Variants in MAPKAP1 observed in about 807,000 individuals in gnomAD.
The protein encoded by MAPKAP1 is target of rapamycin complex 2 subunit MAPKAP1.
A neutral mutation model predicts 65.7 loss-of-function variants in MAPKAP1; 20 were observed. That is an observed-to-expected ratio of 0.30 (90% CI 0.21 to 0.44). MAPKAP1 has a LOEUF of 0.44. MAPKAP1 is among the 20% of genes least tolerant of loss of function. The pLI is 1.00. For missense variants in MAPKAP1, 423 were observed against 648.0 expected, an observed-to-expected ratio of 0.65 and a Z score of 3.77; for synonymous variants, 222 against 244.3, an observed-to-expected ratio of 0.91 and a Z score of 0.85.
chr9:125,611,752 G>GA lies in MAPKAP1; in HGVS notation c.499-26026dup, dbSNP rs560712469. Among the ~76,000 whole-genome samples the GA allele has an allele frequency of 4.6e-5, 7 of 152,118 alleles. No homozygotes were observed. The South Asian group carries it at 8.3e-4, about 18-fold the overall frequency. On this transcript the variant is annotated intron_variant, in intron 4 of 11. Coordinates refer to ENST00000265960, the MANE Select transcript of MAPKAP1 (RefSeq NM_001006617.3). ...AATGACAAATGGTTCAATTCACCAG[G>GA]AAAAAATAGCAATTCTGAAATTGTG...
At chr9:125,608,389 G>A (rs1270123439) in intron 4 of MAPKAP1, among the ~76,000 whole-genome samples, 1 of 152,202 alleles carries the variant, frequency 6.6e-6, no homozygotes, top group East Asian at 1.9e-4. Flanking sequence ...GGCACTGACA[G>A]TGGATGCTCT....
chr9:125,476,609 TGA>T, intron 9 of MAPKAP1, among the ~76,000 whole-genome samples: 1 of 152,302 alleles, frequency 6.6e-6, no homozygotes, highest in African/African-American at 2.4e-5. Context: ...ATGTTTAGCC[TGA>T]GAGTGTGCCT....
At chr9:125,603,115 C>T (rs1832350460) in intron 4 of MAPKAP1, among the ~76,000 whole-genome samples, 1 of 151,712 alleles carries the variant, frequency 6.6e-6, no homozygotes, top group Non-Finnish European at 1.5e-5. Context: ...AATTATGTTG[C>T]CCAGGCTAGT....
At chr9:125,594,457 G>C (rs918178915) in intron 4 of MAPKAP1, among the ~76,000 whole-genome samples, 28 of 152,134 alleles carry the variant, frequency 1.8e-4, no homozygotes, top group African/African-American at 6.3e-4. Context: ...TAGACTTTGG[G>C]AAAGTAACCT....
intron 4 of MAPKAP1, among the ~76,000 whole-genome samples, chr9:125,652,998 C>T (rs149913704): frequency 5.8e-4 from 89 of 152,358 alleles, no homozygotes; most frequent in Admixed American, 7.8e-4. Flanking sequence ...ACTGCCCCAT[C>T]GTCAGTGCCC....
intron 7 of MAPKAP1, among the ~76,000 whole-genome samples, chr9:125,537,881 C>A (rs1429562734): frequency 6.6e-6 from 1 of 152,132 alleles, no homozygotes; most frequent in Non-Finnish European, 1.5e-5. Flanking sequence ...TGGAGACTGA[C>A]CCTGCTGCAG....
intron 5 of MAPKAP1, chr9:125,567,532 A>T (rs1831096671): frequency 6.6e-6 from 1 of 152,242 alleles, no homozygotes; most frequent in Admixed American, 6.5e-5. Flanking sequence ...GTTGTTTAGC[A>T]TATCATCAAG....
intron 7 of MAPKAP1, among the ~76,000 whole-genome samples, chr9:125,541,447 G>A (rs577865465): frequency 6.6e-6 from 1 of 152,202 alleles, no homozygotes; most frequent in Non-Finnish European, 1.5e-5. Context: ...AGAATATAAT[G>A]CATTATATCA....
chr9:125,603,111 G>T (rs1000642327), intron 4 of MAPKAP1, among the ~76,000 whole-genome samples: 1 of 151,092 alleles, frequency 6.6e-6, no homozygotes, highest in African/African-American at 2.4e-5. Context: ...TCTCAATTAT[G>T]TTGCCCAGGC....
intron 6 of MAPKAP1, among the ~76,000 whole-genome samples, chr9:125,548,176 C>A (rs1000362682): frequency 6.6e-6 from 1 of 152,226 alleles, no homozygotes; most frequent in East Asian, 1.9e-4. Context: ...GATCACTCAT[C>A]TATTAAAAAT....
rs773828678 is a variant in MAPKAP1 at position 125,595,287 on chromosome 9, CAAAGGTTACCCAATTAAT to C, written c.499-9578_499-9561del. Among the ~76,000 whole-genome samples, 4 of 152,080 alleles carry C rather than the reference CAAAGGTTACCCAATTAAT, an allele frequency of 2.6e-5. No individual in the cohort carries two copies. Among genetic ancestry groups the C allele is most frequent in the Non-Finnish European group, 5.9e-5 (4 of 68,016 alleles). ...ATTATGAAATATCAATACTATGAAC[CAAAGGTTACCCAATTAAT>C]AATTAGCTCATAAAATGGGTAAACT... is the stretch of plus-strand genomic sequence containing the variant. On this transcript the variant is annotated intron_variant, in intron 4 of 11. Transcript: ENST00000265960. The surrounding 1 kb of genome is among the most constrained non-coding windows in gnomAD (Gnocchi z 4.0).
chr9:125,621,271 C>CAA (rs144546648), intron 4 of MAPKAP1, among the ~76,000 whole-genome samples: 1 of 144,400 alleles, frequency 6.9e-6, no homozygotes, highest in African/African-American at 2.5e-5. Context: ...GACACTTTCT[C>CAA]AAAAAAAAAA....
intron 5 of MAPKAP1, among the ~76,000 whole-genome samples, chr9:125,582,320 A>G (rs1360727892): frequency 6.6e-6 from 1 of 152,102 alleles, no homozygotes; most frequent in African/African-American, 2.4e-5. Context: ...TTTGAAATTA[A>G]TTTTCAGACT....
At chr9:125,578,502 C>G (rs1831519488) in intron 5 of MAPKAP1, among the ~76,000 whole-genome samples, 1 of 151,582 alleles carries the variant, frequency 6.6e-6, no homozygotes, top group Non-Finnish European at 1.5e-5. Flanking sequence ...TTACATGAGT[C>G]AAAAAAGAAA....
intron 7 of MAPKAP1, among the ~76,000 whole-genome samples, chr9:125,530,031 C>T (rs559529444): frequency 3.9e-5 from 6 of 152,286 alleles, no homozygotes; most frequent in East Asian, 1.9e-4. Context: ...GTTTAAAATG[C>T]CTTTTACATT....
chr9:125,460,426 T>C (rs1051238764), intron 10 of MAPKAP1, among the ~76,000 whole-genome samples: 5 of 152,072 alleles, frequency 3.3e-5, no homozygotes, highest in Non-Finnish European at 1.5e-5. Flanking sequence ...ATGAAGAAAA[T>C]TTACAGAAAA....
intron 4 of MAPKAP1, among the ~76,000 whole-genome samples, chr9:125,643,199 G>GT (rs1159382907): frequency 3.5e-4 from 45 of 127,788 alleles, no homozygotes; most frequent in East Asian, 1.4e-3. Context: ...CACGCCCAGC[G>GT]TTTTTTTTTT....
At chr9:125,579,648 A>G (rs1297815314) in intron 5 of MAPKAP1, among the ~76,000 whole-genome samples, 1 of 152,162 alleles carries the variant, frequency 6.6e-6, no homozygotes, top group Admixed American at 6.5e-5. Context: ...CTGGTGGGCC[A>G]CTCTTCATGT....
chr9:125,468,743 C>T lies in MAPKAP1; in HGVS notation c.1208-634G>A, dbSNP rs59495078. On this transcript the variant is annotated intron_variant, in intron 9 of 11. Transcript: ENST00000265960. ...TCAAGTCTTGGAGCCTGGCTTCAGG[C>T]TGCAGAGGTCATTGCCCCCCTGCTG... 7.1e-3 allele frequency among the ~76,000 whole-genome samples: 1,076 copies of T among 152,354 alleles called. 16 individuals carry two copies. Among genetic ancestry groups the T allele is most frequent in the African/African-American group, 0.025 (1,032 of 41,584 alleles).
Sources: allele counts gnomAD v4.1 joint callset (sites outside exome capture counted in the v4.1 genomes callset), GRCh38; gene constraint gnomAD v4.1.1; non-coding constraint Gnocchi (gnomAD v3.1); transcripts MANE v1.5; gene names NCBI Gene and HGNC (gene_info 2026-07-23, HGNC 2026-07-21).